SLC9C2: variants seen among roughly 807,000 people sequenced by gnomAD.
SLC9C2 encodes the protein solute carrier family 9 member C2 (putative).
SLC9C2 carries 75 observed loss-of-function variants against 140.2 expected under a neutral mutation model. That is an observed-to-expected ratio of 0.53 (90% CI 0.44 to 0.65). The LOEUF (loss-of-function observed/expected upper bound fraction) is 0.65, where lower values mean the gene tolerates loss of function less well. Ranked by LOEUF, SLC9C2 falls within the 30% of genes least tolerant of loss-of-function variation. The pLI, the probability that SLC9C2 is intolerant of heterozygous loss-of-function variation, is 0.00. For synonymous variants in SLC9C2, 375 were observed against 420.9 expected (o/e 0.89, Z 1.34); for missense variants, 1,074 against 1,331.8 (o/e 0.81, Z 3.01).
At chr1:173,600,290 A>C in intron 2 of SLC9C2, 73 bp from the exon 3 acceptor site, 1 of 1,023,280 alleles carries the variant, frequency 9.8e-7, no homozygotes, top group Non-Finnish European at 1.4e-6. Flanking sequence ...TCACTTTTGC[A>C]CCATCCCAAA....
intron 14 of SLC9C2, 147 bp from the exon 15 acceptor site, chr1:173,536,096 A>G (rs1661935763): frequency 3.2e-6 from 2 of 621,600 alleles, no homozygotes; most frequent in Non-Finnish European, 5.0e-6. Context: ...CCATCCACCT[A>G]TCCATCCATG....
In SLC9C2 at chr1:173,509,579, G is replaced by A; in HGVS notation, c.3028C>T (p.Leu1010Phe). 6.4e-7 allele frequency: 1 copy of A among 1,559,178 alleles called. No homozygotes were observed. Among genetic ancestry groups the A allele is most frequent in the African/African-American group, 1.4e-5 (1 of 71,520 alleles). Residue 1010 changes from leucine to phenylalanine, a missense_variant, in exon 24 of 28, where the codon CTT becomes TTT. By Grantham distance (22) the Leu-to-Phe change is conservative. Coordinates refer to ENST00000367714, the MANE Select transcript of SLC9C2 (RefSeq NM_178527.4). ...ATCACATAACTTACCTCATCAATAAGACTTGATTCAAAATACTGATAGGCA... is the reference window on the plus strand; with the variant it reads ...ATCACATAACTTACCTCATCAATAAAACTTGATTCAAAATACTGATAGGCA... ...STAYQYFESS[L>F]IDEDLRFQNC...
chr1:173,558,504 A>G (rs1292074706), intron 9 of SLC9C2, among the ~76,000 whole-genome samples: 1 of 152,228 alleles, frequency 6.6e-6, no homozygotes, highest in Non-Finnish European at 1.5e-5. Context: ...TACTAACTGC[A>G]TAACTACATA....
In SLC9C2 at chr1:173,533,844, T is replaced by TG. The variant is rs757373815; in HGVS notation, c.1975-48dup. 16 of 1,499,746 alleles carry TG rather than the reference T, an allele frequency of 1.1e-5. No homozygotes were observed. The East Asian group carries it at 1.2e-4, about 12-fold the overall frequency. The allele number at this position is 1,499,746 out of a possible 1,614,324, so 92.9% of individuals were successfully genotyped here. ...TTTCATAGCACCTATACAGTAATGT[T>TG]GGGGGGAAGAAATCTATAAAATTAA... On this transcript the variant is annotated intron_variant, in intron 16 of 27. Transcript: ENST00000367714.
chr1:173,578,888 C>A (rs1665347735), intron 7 of SLC9C2, among the ~76,000 whole-genome samples: 1 of 152,332 alleles, frequency 6.6e-6, no homozygotes. Flanking sequence ...CTACAAAGGT[C>A]CTCTTTCTAA....
intron 27 of SLC9C2, among the ~76,000 whole-genome samples, chr1:173,501,727 T>G (rs1571408121): frequency 6.6e-6 from 1 of 151,896 alleles, no homozygotes; most frequent in East Asian, 1.9e-4. Flanking sequence ...GACTCTTAAT[T>G]CCTCTTTGTG....
intron 7 of SLC9C2, among the ~76,000 whole-genome samples, chr1:173,581,165 G>C (rs140835537): frequency 6.6e-6 from 1 of 152,166 alleles, no homozygotes; most frequent in Non-Finnish European, 1.5e-5. Context: ...TTGAAGAACC[G>C]AAGTTGCTTC....
intron 4 of SLC9C2, among the ~76,000 whole-genome samples, chr1:173,593,469 G>A (rs191650024): frequency 2.0e-5 from 3 of 152,254 alleles, no homozygotes; most frequent in East Asian, 1.9e-4. Context: ...TCAGTGAGAC[G>A]AGATTGTGCC....
Position 173,521,339 on chromosome 1 carries a change from G to T in SLC9C2, c.2701C>A (p.Pro901Thr). 1 of 1,550,856 alleles carries T rather than the reference G, an allele frequency of 6.4e-7. No homozygotes were observed. Among genetic ancestry groups the T allele is most frequent in the Non-Finnish European group, 8.6e-7 (1 of 1,156,260 alleles). ...GAAATAATTAAGTAGATTCCTTGTG[G>T]CATTTCACCTCCTTTACAAATGGTA... ...GDTICKGGEM[P>T]QGIYLIISGM... The change falls in exon 22 of 28, where the codon CCA becomes ACA. Residue 901 changes from proline to threonine, a missense_variant. By Grantham distance (38) the Pro-to-Thr change is conservative (BLOSUM62 -1). Coordinates refer to ENST00000367714, the MANE Select transcript of SLC9C2 (RefSeq NM_178527.4).
chr1:173,518,971 T>G (rs188132381), intron 22 of SLC9C2, among the ~76,000 whole-genome samples: 52 of 152,190 alleles, frequency 3.4e-4, no homozygotes, highest in Admixed American at 2.5e-3. Context: ...TGAAGGGACT[T>G]TGTAGTGGAA....
Position 173,596,408 on chromosome 1 carries a change from T to C in SLC9C2, c.357+1496A>G, listed in dbSNP as rs1180705763. 3 of 152,166 alleles carry C rather than the reference T, an allele frequency of 2.0e-5. No homozygotes were observed. The East Asian group carries it at 5.8e-4, about 29-fold the overall frequency. 9.4% of individuals were successfully genotyped at this position (152,166 alleles called of 1,614,324 possible). A position where few individuals can be genotyped will look rare whatever the true frequency, so the allele number is the denominator to read the frequency against. On this transcript the variant is annotated intron_variant, in intron 4 of 27. Coordinates refer to ENST00000367714, the MANE Select transcript of SLC9C2 (RefSeq NM_178527.4). ...TTCTCACCAACAATGTATGCAAGTT[T>C]CATTGTCTTCATATCTTCACCAGCA...
chr1:173,568,880 T>C (rs1306596751), intron 9 of SLC9C2, among the ~76,000 whole-genome samples: 2 of 152,216 alleles, frequency 1.3e-5, no homozygotes, highest in African/African-American at 4.8e-5. Context: ...TGTTTTTGTG[T>C]GTACCTACTA....
chr1:173,544,192 G>T (rs951274439), intron 13 of SLC9C2, among the ~76,000 whole-genome samples: 1 of 152,190 alleles, frequency 6.6e-6, no homozygotes, highest in African/African-American at 2.4e-5. Context: ...CAAAAAGTGG[G>T]CAAAGGATAT....
In SLC9C2 at chr1:173,599,362, A is replaced by ATTTTTTTTTT. The variant is rs61579339; in HGVS notation, c.228+745_228+754dup. 5.5e-3 allele frequency among the ~76,000 whole-genome samples: 373 copies of ATTTTTTTTTT among 68,106 alleles called. 85 individuals carry two copies. The highest frequency in any genetic ancestry group is 0.014 in the African/African-American group (291 of 21,124). 44.7% of individuals were successfully genotyped at this position (68,106 alleles called of 152,430 possible). On this transcript the variant is annotated intron_variant, in intron 3 of 27. Transcript: ENST00000367714. The stretch of plus-strand genomic sequence containing the variant: ...CAAGAGCGCAAACACATTTTCCTTG[A>ATTTTTTTTTT]TTTTTTTTTTTTTTTTTTTTTTTTT...
chr1:173,601,521 C>T (rs1666783162), intron 2 of SLC9C2, 129 bp downstream of exon 2: 1 of 964,566 alleles, frequency 1.0e-6, no homozygotes, highest in South Asian at 1.7e-5. Flanking sequence ...GCGAGATTGA[C>T]AGTATTCACT....
intron 5 of SLC9C2, among the ~76,000 whole-genome samples, chr1:173,584,843 G>A (rs558427640): frequency 5.3e-5 from 8 of 151,882 alleles, no homozygotes; most frequent in African/African-American, 9.7e-5. Context: ...ATGTTTTCTC[G>A]TCCTCTTCTC....
intron 7 of SLC9C2, among the ~76,000 whole-genome samples, chr1:173,580,596 G>A (rs1466534683): frequency 6.6e-6 from 1 of 152,010 alleles, no homozygotes; most frequent in African/African-American, 2.4e-5. Flanking sequence ...CAAGTGATCC[G>A]CCTGCCTCAG....
chr1:173,516,054 T>G (rs1446576736), intron 23 of SLC9C2, among the ~76,000 whole-genome samples: 1 of 152,196 alleles, frequency 6.6e-6, no homozygotes, highest in Non-Finnish European at 1.5e-5. Flanking sequence ...CTGGGATCTC[T>G]GACCTTGAGG....
chr1:173,572,063 C>T (rs1028938458), intron 9 of SLC9C2, among the ~76,000 whole-genome samples: 4 of 152,138 alleles, frequency 2.6e-5, no homozygotes, highest in Non-Finnish European at 5.9e-5. Context: ...GCCCAGTCTA[C>T]AGATAAGTAA....
Sources: allele counts gnomAD v4.1 joint callset (sites outside exome capture counted in the v4.1 genomes callset), GRCh38; gene constraint gnomAD v4.1.1; transcripts MANE v1.5; gene names NCBI Gene and HGNC (gene_info 2026-07-23, HGNC 2026-07-21).